The following ABCA4 variants were observed in gnomAD, a reference collection of about 807,000 sequenced individuals.
The protein encoded by ABCA4 is retinal-specific phospholipid-transporting ATPase ABCA4.
In ABCA4, 196 loss-of-function variants were observed where a neutral mutation model predicts 263.7. The ratio of observed to expected loss-of-function variants is 0.74; its 90% CI spans 0.66 to 0.84. ABCA4 has a LOEUF of 0.84. ABCA4 is among the 40% of genes least tolerant of loss of function. The pLI is 0.00. For synonymous variants in ABCA4, 1,133 were observed against 1,094.2 expected (o/e 1.04, Z -0.70); for missense variants, 2,792 against 2,855.1 (o/e 0.98, Z 0.50).
intron 14 of ABCA4, 31 bp from the exon 15 acceptor site, chr1:94,056,853 C>G (rs767433733): frequency 1.9e-5 from 29 of 1,550,612 alleles, no homozygotes; most frequent in Non-Finnish European, 1.8e-5. Flanking sequence ...GTCAGTAACT[C>G]CTGCCCTTGG....
At chr1:94,077,238 T>C (rs965194391) in intron 11 of ABCA4, among the ~76,000 whole-genome samples, 1 of 152,130 alleles carries the variant, frequency 6.6e-6, no homozygotes. Context: ...ATAGGAAATA[T>C]AGGAGAAGGA....
At chr1:94,093,166 A>T (rs1198398591) in intron 6 of ABCA4, among the ~76,000 whole-genome samples, 1 of 152,198 alleles carries the variant, frequency 6.6e-6, no homozygotes, top group Non-Finnish European at 1.5e-5. Context: ...GAGGATGCTG[A>T]ATACTTCATA....
intron 22 of ABCA4, 113 bp downstream of exon 22, chr1:94,042,648 G>T: frequency 7.0e-7 from 1 of 1,427,612 alleles, no homozygotes; most frequent in Non-Finnish European, 9.8e-7. Flanking sequence ...CCCCTTCTGA[G>T]TGTAGTCATT....
In ABCA4 at chr1:94,045,781, C is replaced by G. The variant is rs1284100067; in HGVS notation, c.2919-1037G>C. The G allele has an allele frequency of 6.6e-6, 3 of 456,316 alleles. No homozygotes were observed. In the Admixed American group the frequency reaches 7.0e-5, roughly 11 times the overall value. 28.3% of individuals were successfully genotyped at this position (456,316 alleles called of 1,614,324 possible). ...TGAACCGCCCTAGAGAACATTCCAT[C>G]ACAGGGTGTACACGCTGTTGTTCCT... On this transcript the variant is annotated intron_variant, in intron 19 of 49. Transcript: ENST00000370225.
chr1:94,051,424 C>T (rs1213648456), intron 17 of ABCA4, among the ~76,000 whole-genome samples: 1 of 152,190 alleles, frequency 6.6e-6, no homozygotes, highest in African/African-American at 2.4e-5. Context: ...CATGATCAGC[C>T]ATTCATGATC....
chr1:94,077,797 A>G lies in ABCA4; in HGVS notation c.1447T>C (p.Tyr483His), dbSNP rs1661577642. The G allele has an allele frequency of 6.2e-7, 1 of 1,614,078 alleles. No homozygotes were observed. Among genetic ancestry groups the G allele is most frequent in the African/African-American group, 1.3e-5 (1 of 74,926 alleles). Residue 483 changes from tyrosine to histidine, a missense_variant, in exon 11 of 50, where the codon TAC becomes CAC. Physicochemically the swap from Tyr to His is moderately conservative, Grantham distance 83. Transcript: ENST00000370225. ...GCCTGGCTTTCCCGAGGGCCCTTGT[A>G]GAGGAAGTTTAGGATGGCTTCAGCA... ...ITAEAILNFL[Y>H]KGPRESQADD... is the part of the protein sequence containing the mutation.
rs17110953 is a variant in ABCA4 at position 94,052,407 on chromosome 1, G to A, written c.2588-709C>T. On this transcript the variant is annotated intron_variant, in intron 16 of 49. Coordinates refer to ENST00000370225, the MANE Select transcript of ABCA4 (RefSeq NM_000350.3). ...GTCTCGGCTTTTTTTAAGAGTTGCC[G>A]TATGTTTCATGGCCTTTGCTGCCAC... is the stretch of plus-strand genomic sequence containing the variant. 3.8e-4 allele frequency among the ~76,000 whole-genome samples: 58 copies of A among 152,170 alleles called. No homozygotes were observed. In the East Asian group the frequency reaches 4.8e-3, roughly 13 times the overall value.
intron 43 of ABCA4, among the ~76,000 whole-genome samples, chr1:94,006,477 G>T (rs1436895547): frequency 6.6e-6 from 1 of 152,186 alleles, no homozygotes; most frequent in African/African-American, 2.4e-5. Flanking sequence ...TCTCATAAAT[G>T]TGCTCATGGA....
chr1:94,105,496 G>C (rs1662407600), intron 4 of ABCA4, among the ~76,000 whole-genome samples: 1 of 152,148 alleles, frequency 6.6e-6, no homozygotes, highest in Non-Finnish European at 1.5e-5. Context: ...GCCGATACCA[G>C]ACAGAAGCTT....
At chr1:94,012,354 C>T (rs546493027) in intron 38 of ABCA4, among the ~76,000 whole-genome samples, 1 of 152,306 alleles carries the variant, frequency 6.6e-6, no homozygotes, top group South Asian at 2.1e-4. Flanking sequence ...GATTCCTGTT[C>T]TTCTTTAGAC....
chr1:94,015,861 A>G lies in ABCA4; in HGVS notation c.5197-7T>C. 2 of 1,610,490 alleles carry G rather than the reference A, an allele frequency of 1.2e-6. No individual in the cohort carries two copies. Among genetic ancestry groups the G allele is most frequent in the Non-Finnish European group, 1.7e-6 (2 of 1,178,134 alleles). ...CACTCACGGAATAATTCATCTCGGAAAGAGAAGAGGAGAGCAAGTCACTTA... is the reference window on the plus strand; with the variant it reads ...CACTCACGGAATAATTCATCTCGGAGAGAGAAGAGGAGAGCAAGTCACTTA... On this transcript the variant is annotated splice_region_variant and splice_polypyrimidine_tract_variant and intron_variant, in intron 36 of 49. Transcript: ENST00000370225.
At chr1:94,101,098 C>T (rs562282286) in intron 5 of ABCA4, among the ~76,000 whole-genome samples, 287 of 152,346 alleles carry the variant, frequency 1.9e-3, no homozygotes, top group Admixed American at 3.1e-3. Flanking sequence ...CTGGTGACCC[C>T]GGCCTCCATT....
intron 14 of ABCA4, 45 bp downstream of exon 14, chr1:94,060,492 A>T: frequency 6.4e-7 from 1 of 1,573,686 alleles, no homozygotes; most frequent in South Asian, 1.1e-5. Context: ...AGGGGAAAGG[A>T]ACCAAAGTAT....
intron 17 of ABCA4, among the ~76,000 whole-genome samples, chr1:94,049,398 G>C (rs1660773965): frequency 6.6e-6 from 1 of 152,162 alleles, no homozygotes; most frequent in African/African-American, 2.4e-5. Context: ...GGCCAATGTA[G>C]GCGTATCATG....
At chr1:93,993,945 T>A (rs1284700756) in intron 49 of ABCA4, among the ~76,000 whole-genome samples, 1 of 152,146 alleles carries the variant, frequency 6.6e-6, no homozygotes, top group Non-Finnish European at 1.5e-5. Context: ...AAATGTGGTT[T>A]ATCCCATTAT....
Position 94,078,586 on chromosome 1 carries a change from T to G in ABCA4, c.1356+4A>C. 13 of 304,612 alleles carry G rather than the reference T, an allele frequency of 4.3e-5. No homozygotes were observed. Among genetic ancestry groups the G allele is most frequent in the Non-Finnish European group, 6.3e-5 (11 of 174,844 alleles). 18.9% of individuals were successfully genotyped at this position (304,612 alleles called of 1,614,324 possible). On this transcript the variant is annotated splice_donor_region_variant and intron_variant, in intron 10 of 49. Transcript: ENST00000370225. The stretch of plus-strand genomic sequence containing the variant: ...TCCCCTCCCCATCCTCCAACCCCCC[T>G]TACTCTGATCATGTTCATCTGTGTG...
At chr1:94,038,424 C>T (rs1660401924) in intron 24 of ABCA4, among the ~76,000 whole-genome samples, 1 of 152,190 alleles carries the variant, frequency 6.6e-6, no homozygotes, top group African/African-American at 2.4e-5. Flanking sequence ...AAGCAGCTCT[C>T]AGAGTTGTGG....
rs181272008 is a variant in ABCA4, at chr1:94,032,057, T to C, written c.3863-14A>G. On this transcript the variant is annotated splice_polypyrimidine_tract_variant and intron_variant, in intron 26 of 49. Transcript: ENST00000370225. ...GCTGAGCGCCACCTGTTTTGAGAGA[T>C]TGAATTAATAATTTGGAAAATGCCT... 187 of 1,607,182 alleles carry C rather than the reference T, an allele frequency of 1.2e-4. 1 individual carries two copies. In the African/African-American group the frequency reaches 2.0e-3, roughly 17 times the overall value.
intron 10 of ABCA4, 28 bp downstream of exon 10, chr1:94,078,562 C>T (rs750664157): frequency 1.3e-5 from 9 of 711,108 alleles, no homozygotes; most frequent in South Asian, 5.4e-5. Flanking sequence ...CTCCTCCCCT[C>T]CCCTCCCCAT....
Sources: allele counts gnomAD v4.1 joint callset (sites outside exome capture counted in the v4.1 genomes callset), GRCh38; gene constraint gnomAD v4.1.1; transcripts MANE v1.5; gene names NCBI Gene and HGNC (gene_info 2026-07-23, HGNC 2026-07-21).